C1orf115: variants seen among roughly 807,000 people sequenced by gnomAD.
C1orf115 encodes chromosome 1 open reading frame 115, also known as required for drug-induced death protein 1.
Under a neutral mutation model 12.5 loss-of-function variants are expected in C1orf115, and 14 were observed. The observed-to-expected ratio is 1.12, with a 90% CI of 0.74 to 1.75. The LOEUF is 1.75. Ranked by LOEUF, C1orf115 falls within the 40% of genes most tolerant of loss-of-function variation. C1orf115 has a pLI of 0.00. For synonymous variants in C1orf115, 109 were observed against 104.6 expected (o/e 1.04, Z -0.26); for missense variants, 237 against 220.8 (o/e 1.07, Z -0.46).
chr1:220,692,740 A>G (rs1399871065), intron 1 of C1orf115, among the ~76,000 whole-genome samples: 1 of 152,260 alleles, frequency 6.6e-6, no homozygotes, highest in Non-Finnish European at 1.5e-5. Context: ...TGGTTGCACA[A>G]CAATGTAAAT....
At position 220,697,738 on chromosome 1, in the gene C1orf115, G is replaced by A. The variant is rs1190277000; in HGVS notation, c.*1007G>A. ...ACAGATTTAGAGAAGGAACCAGTAA[G>A]TAGGAGACAGATGTGAAGGAAATGG... On this transcript the variant is annotated 3_prime_UTR_variant, in exon 2 of 2. Transcript: ENST00000294889. This position sits in a 1 kb window ranked among gnomAD's most constrained non-coding sequence, Gnocchi z 4.5. 2.0e-5 allele frequency: 3 copies of A among 152,950 alleles called. No individual in the cohort carries two copies. The highest frequency in any genetic ancestry group is 6.5e-5 in the Admixed American group (1 of 15,302). 9.5% of individuals were successfully genotyped at this position (152,950 alleles called of 1,614,324 possible).
At chr1:220,691,359 A>G (rs977109356) in intron 1 of C1orf115, among the ~76,000 whole-genome samples, 1 of 152,182 alleles carries the variant, frequency 6.6e-6, no homozygotes, top group African/African-American at 2.4e-5. Flanking sequence ...CTTCGCGGAA[A>G]TCAAAGCGCA....
rs998195656 is a variant in C1orf115, at chr1:220,697,683, G to C, written c.*952G>C. On this transcript the variant is annotated 3_prime_UTR_variant, in exon 2 of 2. Coordinates refer to ENST00000294889, the MANE Select transcript of C1orf115 (RefSeq NM_024709.5). This position sits in a 1 kb window ranked among gnomAD's most constrained non-coding sequence, Gnocchi z 4.5. ...TGGGACATAGGGGCTGAGAGAGATG[G>C]GGGGAGACATAACACCCAGGAATGA... 5 of 152,456 alleles carry C rather than the reference G, an allele frequency of 3.3e-5. No homozygotes were observed. The highest frequency in any genetic ancestry group is 1.2e-4 in the African/African-American group (5 of 41,458). The allele number at this position is 152,456 out of a possible 1,614,324, so 9.4% of individuals were successfully genotyped here. A position where few individuals can be genotyped will look rare whatever the true frequency, so the allele number is the denominator to read the frequency against.
rs1170752313 is a variant in C1orf115 at position 220,690,580 on chromosome 1, G to T, written c.178G>T (p.Gly60Cys). 5.3e-6 allele frequency: 8 copies of T among 1,505,806 alleles called. No homozygotes were observed. In the African/African-American group the frequency reaches 1.0e-4, roughly 19 times the overall value. 93.3% of individuals were successfully genotyped at this position (1,505,806 alleles called of 1,614,324 possible). Residue 60 changes from glycine to cysteine, a missense_variant, in exon 1 of 2, where the codon GGC becomes TGC. Coordinates refer to ENST00000294889, the MANE Select transcript of C1orf115 (RefSeq NM_024709.5). ...CGGGACGAGCGCGGCGGACGAGCGG[G>T]GCCCGGGGACCCGGGGCGCGCGGAG... ...ESGTSAADER[G>C]PGTRGARRVH...
rs1393722775 is a variant in C1orf115 at position 220,698,591 on chromosome 1, G to A, written c.*1860G>A. ...CCAAGCATAGTGAGTGGGAAAGAGA[G>A]TGAGAGCCTGTGCAGGCTGCTGACG... is the stretch of plus-strand genomic sequence containing the variant. On this transcript the variant is annotated 3_prime_UTR_variant, in exon 2 of 2. Coordinates refer to ENST00000294889, the MANE Select transcript of C1orf115 (RefSeq NM_024709.5). 3.3e-5 allele frequency: 5 copies of A among 152,270 alleles called. No individual in the cohort carries two copies. The highest frequency in any genetic ancestry group is 6.5e-5 in the Admixed American group (1 of 15,280). The allele number at this position is 152,270 out of a possible 1,614,324, so 9.4% of individuals were successfully genotyped here. A position where few individuals can be genotyped will look rare whatever the true frequency, so the allele number is the denominator to read the frequency against.
chr1:220,693,947 G>T (rs572031198), intron 1 of C1orf115, among the ~76,000 whole-genome samples: 2 of 152,034 alleles, frequency 1.3e-5, no homozygotes, highest in Non-Finnish European at 2.9e-5. Flanking sequence ...TGGCGCGGTG[G>T]TGCATGCCTA....
At chr1:220,694,030 A>G (rs1670150402) in intron 1 of C1orf115, among the ~76,000 whole-genome samples, 1 of 145,846 alleles carries the variant, frequency 6.9e-6, no homozygotes, top group South Asian at 2.2e-4. Context: ...CAGTGAGCTG[A>G]GATCGCGCCA....
chr1:220,696,515 A>G (rs768632052), intron 1 of C1orf115, 97 bp from the exon 2 acceptor site: 61 of 1,343,220 alleles, frequency 4.5e-5, no homozygotes, highest in Non-Finnish European at 5.7e-5. Context: ...TGATCTTTAT[A>G]TATGTCGCCG....
Position 220,698,612 on chromosome 1 carries a change from TG to T in C1orf115, c.*1882del, listed in dbSNP as rs1670227419. ...GAGAGTGAGAGCCTGTGCAGGCTGC[TG>T]ACGAGCCCCAGGCAGCCCACAAGTT... On this transcript the variant is annotated 3_prime_UTR_variant, in exon 2 of 2. Transcript: ENST00000294889. 1 of 151,962 alleles carries T rather than the reference TG, an allele frequency of 6.6e-6. No individual in the cohort carries two copies. Among genetic ancestry groups the T allele is most frequent in the African/African-American group, 2.4e-5 (1 of 41,372 alleles). 9.4% of individuals were successfully genotyped at this position (151,962 alleles called of 1,614,324 possible).
intron 1 of C1orf115, among the ~76,000 whole-genome samples, chr1:220,691,491 C>G (rs575641461): frequency 6.6e-6 from 1 of 152,276 alleles, no homozygotes; most frequent in South Asian, 2.1e-4. Flanking sequence ...CCAAAGGCCA[C>G]GGGCCCCATC....
intron 1 of C1orf115, among the ~76,000 whole-genome samples, chr1:220,692,661 C>T (rs1016486723): frequency 6.6e-6 from 1 of 152,062 alleles, no homozygotes; most frequent in African/African-American, 2.4e-5. Context: ...GAATGGAGCC[C>T]ATCTGCTTAA....
intron 1 of C1orf115, among the ~76,000 whole-genome samples, chr1:220,692,186 G>A (rs1046213579): frequency 1.3e-5 from 2 of 152,222 alleles, no homozygotes; most frequent in African/African-American, 4.8e-5. Context: ...ATTGTACATT[G>A]CTGGTGGGAA....
intron 1 of C1orf115, among the ~76,000 whole-genome samples, chr1:220,692,263 T>C (rs1167937596): frequency 6.6e-6 from 1 of 152,200 alleles, no homozygotes; most frequent in African/African-American, 2.4e-5. Context: ...TGTAGACTTA[T>C]TCTGTGATCT....
chr1:220,691,870 T>G (rs192100692), intron 1 of C1orf115, among the ~76,000 whole-genome samples: 146 of 152,328 alleles, frequency 9.6e-4, no homozygotes, highest in African/African-American at 3.4e-3. Flanking sequence ...AGTGCAGCCC[T>G]GCCCTAGAGA....
chr1:220,696,353 T>G (rs1162250887), intron 1 of C1orf115, among the ~76,000 whole-genome samples: 3 of 152,172 alleles, frequency 2.0e-5, no homozygotes, highest in Non-Finnish European at 4.4e-5. Flanking sequence ...GTCTTTGAAT[T>G]ATCTGGAAAT....
chr1:220,693,891 G>A (rs1430949687), intron 1 of C1orf115, among the ~76,000 whole-genome samples: 1 of 151,848 alleles, frequency 6.6e-6, no homozygotes, highest in East Asian at 1.9e-4. Flanking sequence ...CCAGACTGAC[G>A]AACATGGTGA....
intron 1 of C1orf115, among the ~76,000 whole-genome samples, chr1:220,693,580 C>G (rs954838016): frequency 1.3e-5 from 2 of 152,216 alleles, no homozygotes; most frequent in Non-Finnish European, 1.5e-5. Flanking sequence ...CCCAGTGTCT[C>G]TTTGAGACAT....
At chr1:220,691,555 A>G (rs1670108131) in intron 1 of C1orf115, among the ~76,000 whole-genome samples, 1 of 151,914 alleles carries the variant, frequency 6.6e-6, no homozygotes, top group African/African-American at 2.4e-5. Flanking sequence ...ACCTGAAGCC[A>G]TTCAGTCTCC....
chr1:220,696,536 T>C, intron 1 of C1orf115, 76 bp from the exon 2 acceptor site: 2 of 1,468,706 alleles, frequency 1.4e-6, no homozygotes, highest in Non-Finnish European at 1.8e-6. Context: ...TGACTCATTT[T>C]TTTTCATGAA....
Sources: allele counts gnomAD v4.1 joint callset (sites outside exome capture counted in the v4.1 genomes callset), GRCh38; gene constraint gnomAD v4.1.1; non-coding constraint Gnocchi (gnomAD v3.1); transcripts MANE v1.5; gene names NCBI Gene and HGNC (gene_info 2026-07-23, HGNC 2026-07-21).